MAST4: variants seen among roughly 807,000 people sequenced by gnomAD.
MAST4 encodes microtubule-associated serine/threonine-protein kinase 4.
Under a neutral mutation model 162.7 loss-of-function variants are expected in MAST4, and 89 were observed. The observed-to-expected ratio is 0.55, with a 90% CI of 0.46 to 0.65. The LOEUF is 0.65. Ranked by LOEUF, MAST4 falls within the 30% of genes least tolerant of loss-of-function variation. MAST4 has a pLI of 0.00. For synonymous variants in MAST4, 1,479 were observed against 1,361.1 expected (o/e 1.09, Z -1.91); for missense variants, 3,153 against 3,374.0 (o/e 0.93, Z 1.62).
intron 1 of MAST4, among the ~76,000 whole-genome samples, chr5:66,619,764 T>C (rs1035273185): frequency 2.0e-5 from 3 of 152,152 alleles, no homozygotes; most frequent in Non-Finnish European, 2.9e-5. Context: ...TGTTTACTCA[T>C]ATATCTGGAA....
chr5:67,080,292 T>G (rs1405317976), intron 5 of MAST4, among the ~76,000 whole-genome samples: 1 of 152,196 alleles, frequency 6.6e-6, no homozygotes, highest in Non-Finnish European at 1.5e-5. Context: ...ATGTACCTAC[T>G]TTTTCATTCA....
At chr5:66,816,382 A>T (rs1756722163) in intron 3 of MAST4, among the ~76,000 whole-genome samples, 1 of 152,168 alleles carries the variant, frequency 6.6e-6, no homozygotes, top group Non-Finnish European at 1.5e-5. Context: ...CTCTGTTTCT[A>T]ATCAATCACC....
At chr5:66,729,826 T>C (rs984202005) in intron 1 of MAST4, among the ~76,000 whole-genome samples, 1 of 152,224 alleles carries the variant, frequency 6.6e-6, no homozygotes, top group African/African-American at 2.4e-5. Context: ...ACAGAACTTA[T>C]TTAAAATTAA....
chr5:66,995,888 T>TACACACACACAC (rs34561453), intron 4 of MAST4, among the ~76,000 whole-genome samples: 246 of 147,316 alleles, frequency 1.7e-3, no homozygotes, highest in African/African-American at 5.5e-3. Flanking sequence ...CACACTCACA[T>TACACACACACAC]ACACACACAC....
At chr5:66,791,239 G>A (rs1249858966) in intron 3 of MAST4, among the ~76,000 whole-genome samples, 4 of 152,182 alleles carry the variant, frequency 2.6e-5, no homozygotes, top group African/African-American at 7.2e-5. Flanking sequence ...GGCCGGGCTC[G>A]TCACGGACTC....
chr5:66,739,692 A>G (rs1483190984), intron 1 of MAST4, among the ~76,000 whole-genome samples: 2 of 152,122 alleles, frequency 1.3e-5, no homozygotes, highest in Non-Finnish European at 2.9e-5. Context: ...TGGGGGCTGC[A>G]CACAAGACAC....
At chr5:66,727,315 A>T (rs1179416201) in intron 1 of MAST4, among the ~76,000 whole-genome samples, 1 of 152,132 alleles carries the variant, frequency 6.6e-6, no homozygotes, top group Non-Finnish European at 1.5e-5. Context: ...TTCTATTTCA[A>T]TTTCTGCAAA....
chr5:66,907,117 G>A (rs933994551), intron 4 of MAST4, among the ~76,000 whole-genome samples: 1 of 148,982 alleles, frequency 6.7e-6, no homozygotes, highest in Admixed American at 6.7e-5. Flanking sequence ...TGGGGAAAAT[G>A]GAATTTACTT....
chr5:66,733,552 G>T (rs1279578281), intron 1 of MAST4, among the ~76,000 whole-genome samples: 1 of 152,164 alleles, frequency 6.6e-6, no homozygotes, highest in African/African-American at 2.4e-5. Context: ...CTCCGCCTCG[G>T]GTTCAAGCAA....
intron 3 of MAST4, among the ~76,000 whole-genome samples, chr5:66,871,074 A>C (rs557010249): frequency 6.2e-4 from 94 of 152,138 alleles, no homozygotes; most frequent in Non-Finnish European, 9.8e-4. Flanking sequence ...CAAATCCCTG[A>C]TGGTAGCATT....
intron 4 of MAST4, among the ~76,000 whole-genome samples, chr5:66,922,599 C>CA (rs900630009): frequency 2.0e-5 from 3 of 151,404 alleles, no homozygotes; most frequent in Non-Finnish European, 2.9e-5. Flanking sequence ...TAACTACTTG[C>CA]AAAAAAAATA....
chr5:66,920,545 T>C (rs1764464138), intron 4 of MAST4, among the ~76,000 whole-genome samples: 1 of 152,132 alleles, frequency 6.6e-6, no homozygotes, highest in Admixed American at 6.6e-5. Context: ...ACTGAAACAT[T>C]GAATGTGTGA....
intron 4 of MAST4, among the ~76,000 whole-genome samples, chr5:66,991,156 C>T (rs1750029115): frequency 6.6e-6 from 1 of 152,166 alleles, no homozygotes; most frequent in Non-Finnish European, 1.5e-5. Flanking sequence ...GGCTGGTTTG[C>T]ATATTCTGGT....
At chr5:66,931,455 A>G (rs371559354) in intron 4 of MAST4, among the ~76,000 whole-genome samples, 1 of 152,032 alleles carries the variant, frequency 6.6e-6, no homozygotes, top group African/African-American at 2.4e-5. Context: ...TCTTTCCTGT[A>G]TCTTTTGCTG....
In MAST4 at chr5:66,847,841, AAAG is replaced by A. The variant is rs1371569264; in HGVS notation, c.643-52107_643-52105del. Reference sequence around the variant, plus strand: ...TTCTCAAAAAAAAAAAAAAAAAAAAAAAGAAAAACCTTAACAGTAGCTCAAAGC... The same window carrying A: ...TTCTCAAAAAAAAAAAAAAAAAAAAAAAAAACCTTAACAGTAGCTCAAAGC... On this transcript the variant is annotated intron_variant, in intron 3 of 28. Coordinates refer to ENST00000403625, the MANE Select transcript of MAST4 (RefSeq NM_001164664.2). Among the ~76,000 whole-genome samples the A allele has an allele frequency of 7.3e-5, 11 of 151,134 alleles. No homozygotes were observed. In the East Asian group the frequency reaches 1.8e-3, roughly 24 times the overall value.
At chr5:66,954,231 G>C (rs1025030135) in intron 4 of MAST4, among the ~76,000 whole-genome samples, 1 of 152,114 alleles carries the variant, frequency 6.6e-6, no homozygotes, top group Admixed American at 6.5e-5. Flanking sequence ...TATACAGCTA[G>C]TCCATGATGT....
chr5:66,771,345 C>T (rs534858128), intron 2 of MAST4, among the ~76,000 whole-genome samples: 42 of 152,192 alleles, frequency 2.8e-4, no homozygotes, highest in African/African-American at 8.7e-4. Flanking sequence ...CCGCCACACC[C>T]GGCTAATTTT....
chr5:66,768,992 G>A (rs1312737906), intron 2 of MAST4, among the ~76,000 whole-genome samples: 2 of 152,118 alleles, frequency 1.3e-5, no homozygotes, highest in African/African-American at 4.8e-5. Context: ...AGGGTTATAT[G>A]GGAATTGAGA....
Position 67,142,612 on chromosome 5 carries a change from G to A in MAST4, c.2730+79G>A, listed in dbSNP as rs561037112. On this transcript the variant is annotated intron_variant, in intron 21 of 28. Transcript: ENST00000403625. ...GGCCAGATAGTATCCCCGAACAGCT[G>A]GACACTTACCGTTTTCCAGGGTTTG... is the stretch of plus-strand genomic sequence containing the variant. 24 of 956,506 alleles carry A rather than the reference G, an allele frequency of 2.5e-5. No homozygotes were observed. The Admixed American group carries it at 3.2e-4, about 13-fold the overall frequency. The allele number at this position is 956,506 out of a possible 1,614,324, so 59.3% of individuals were successfully genotyped here.
Sources: gnomAD v4.1 joint callset for allele counts (sites outside exome capture counted in the v4.1 genomes callset) on GRCh38, gnomAD v4.1.1 for gene constraint, MANE v1.5 for transcripts, NCBI Gene and HGNC (gene_info 2026-07-23, HGNC 2026-07-21) for gene names.